The following UBE4B variants were observed in gnomAD, a reference collection of about 807,000 sequenced individuals.
The protein encoded by UBE4B is ubiquitin conjugation factor E4 B.
UBE4B carries 27 observed loss-of-function variants against 148.1 expected under a neutral mutation model. The observed-to-expected ratio is 0.18, with a 90% CI of 0.13 to 0.25. The LOEUF (loss-of-function observed/expected upper bound fraction) is 0.25. Among genes scored for constraint, UBE4B ranks in the 10% least tolerant of loss-of-function variants. The pLI, the probability that UBE4B is intolerant of heterozygous loss-of-function variation, is 1.00. For missense variants in UBE4B, 1,170 were observed against 1,662.4 expected (o/e 0.70, Z 5.15); for synonymous variants, 596 against 619.3 (o/e 0.96, Z 0.56).
intron 8 of UBE4B, among the ~76,000 whole-genome samples, chr1:10,119,234 G>A (rs1645371336): frequency 6.6e-6 from 1 of 151,918 alleles, no homozygotes; most frequent in African/African-American, 2.4e-5. Flanking sequence ...TGGCCTCCCA[G>A]AGTGCTGGAA....
rs1643865245 is a variant in UBE4B, at chr1:10,043,877, C to A, written c.24+10183C>A. ...AGTGCTACAGTGTTAAAATTAGTTG[C>A]CATTTTAAATGCCTTCCAAACAATT... On this transcript the variant is annotated intron_variant, in intron 1 of 27. Coordinates refer to ENST00000343090, the MANE Select transcript of UBE4B (RefSeq NM_001105562.3). 2.0e-5 allele frequency among the ~76,000 whole-genome samples: 3 copies of A among 152,082 alleles called. No individual in the cohort carries two copies. In the South Asian group the frequency reaches 6.2e-4, roughly 31 times the overall value.
chr1:10,170,181 A>G (rs1407806050), intron 24 of UBE4B, among the ~76,000 whole-genome samples: 1 of 152,024 alleles, frequency 6.6e-6, no homozygotes, highest in African/African-American at 2.4e-5. Context: ...AAGGCATTTC[A>G]TTTTGCAAAC....
At chr1:10,111,975 AAAATGC>A (rs1172078774) in intron 7 of UBE4B, among the ~76,000 whole-genome samples, 1 of 152,016 alleles carries the variant, frequency 6.6e-6, no homozygotes, top group African/African-American at 2.4e-5. Flanking sequence ...AAAAAGAAAG[AAAATGC>A]AAATTCCAAA....
intron 1 of UBE4B, among the ~76,000 whole-genome samples, chr1:10,036,328 C>G (rs562528867): frequency 2.0e-5 from 3 of 151,668 alleles, no homozygotes; most frequent in African/African-American, 7.2e-5. Context: ...TTTTCAAGGT[C>G]AACAGAATAT....
intron 2 of UBE4B, among the ~76,000 whole-genome samples, chr1:10,074,000 G>A (rs1040937036): frequency 3.4e-5 from 5 of 146,966 alleles, no homozygotes; most frequent in Middle Eastern, 3.6e-3. Flanking sequence ...GTTCATAGGC[G>A]TGATCCTAGT....
chr1:10,043,317 G>A (rs1347955350), intron 1 of UBE4B, among the ~76,000 whole-genome samples: 7 of 150,036 alleles, frequency 4.7e-5, no homozygotes, highest in Non-Finnish European at 8.9e-5. Flanking sequence ...CCAACTTTCA[G>A]TAAAAACTTA....
chr1:10,162,019 A>G (rs1374962445), intron 23 of UBE4B, among the ~76,000 whole-genome samples: 5 of 136,936 alleles, frequency 3.7e-5, no homozygotes, highest in Non-Finnish European at 8.0e-5. Flanking sequence ...TTTTTTTGAG[A>G]CGGAGTTTCA....
At chr1:10,079,216 G>A (rs897634490) in intron 2 of UBE4B, among the ~76,000 whole-genome samples, 12 of 152,006 alleles carry the variant, frequency 7.9e-5, no homozygotes, top group East Asian at 1.9e-4. Context: ...CCGCTCTGTC[G>A]CCCAGGCTGG....
intron 7 of UBE4B, among the ~76,000 whole-genome samples, chr1:10,108,809 G>A (rs1214337854): frequency 8.5e-5 from 13 of 152,160 alleles, no homozygotes; most frequent in Admixed American, 8.5e-4. Flanking sequence ...TCTTTTTCAC[G>A]TAGATAAAAT....
chr1:10,093,333 T>G (rs1239941998), intron 2 of UBE4B, among the ~76,000 whole-genome samples: 1 of 152,210 alleles, frequency 6.6e-6, no homozygotes, highest in Non-Finnish European at 1.5e-5. Flanking sequence ...TTTTCAGGGC[T>G]TACTTTGGGT....
At position 10,181,039 on chromosome 1, in the gene UBE4B, C is replaced by G. The variant is rs1157776345; in HGVS notation, c.*1083C>G. ...ATAAGACTTTTTGTATTACTGCTCC[C>G]TACTTAACATACTTGAATTCTCAAA... On this transcript the variant is annotated 3_prime_UTR_variant, in exon 28 of 28. Transcript: ENST00000343090. The G allele has an allele frequency of 6.6e-6, 1 of 151,606 alleles. No homozygotes were observed. The highest frequency in any genetic ancestry group is 1.5e-5 in the Non-Finnish European group (1 of 67,918). 9.4% of individuals were successfully genotyped at this position (151,606 alleles called of 1,614,324 possible).
intron 2 of UBE4B, among the ~76,000 whole-genome samples, chr1:10,073,920 A>ATTTTTTTTTTTTT (rs947131085): frequency 2.7e-5 from 2 of 74,850 alleles, no homozygotes; most frequent in Admixed American, 1.8e-4. Flanking sequence ...CTTTCTTTCT[A>ATTTTTTTTTTTTT]TTTTTTTTTT....
chr1:10,107,302 A>G (rs1228868135), intron 7 of UBE4B: 13 of 1,289,662 alleles, frequency 1.0e-5, no homozygotes, highest in Non-Finnish European at 1.2e-5. Flanking sequence ...GAAGAAGATG[A>G]TGATGATGGT....
chr1:10,167,616 C>T (rs1459740142), intron 23 of UBE4B, among the ~76,000 whole-genome samples: 17 of 110,702 alleles, frequency 1.5e-4, no homozygotes, highest in Admixed American at 3.6e-4. Context: ...TTTTTTGAGA[C>T]GGAGTCTCAC....
At chr1:10,114,668 AT>A (rs1345340247) in intron 7 of UBE4B, among the ~76,000 whole-genome samples, 1 of 152,170 alleles carries the variant, frequency 6.6e-6, no homozygotes, top group African/African-American at 2.4e-5. Context: ...GTTTGAGACT[AT>A]CCCGGCCAAC....
Position 10,106,565 on chromosome 1 carries a change from C to T in UBE4B, c.1178C>T (p.Ser393Phe). Reference sequence around the variant, plus strand: ...AGTGCCACGAGCAGACGCCCCTCCTCCCTGAGGATCTCTCCTAGGTATTTA... The same window carrying T: ...AGTGCCACGAGCAGACGCCCCTCCTTCCTGAGGATCTCTCCTAGGTATTTA... Reference protein sequence around the residue: ...SPSATSRRPSSLRISPSLGAS... With the variant: ...SPSATSRRPSFLRISPSLGAS... The change falls in exon 7 of 28, where the codon TCC becomes TTC. Residue 393 changes from serine (S) to phenylalanine (F), a missense_variant. This residue lies in a region of UBE4B where 388 missense variants were observed against 536.0 expected (regional missense o/e 0.72). Transcript: ENST00000343090. The surrounding 1 kb of genome is among the most constrained non-coding windows in gnomAD (Gnocchi z 4.2). The T allele has an allele frequency of 1.3e-6, 2 of 1,574,648 alleles. No individual in the cohort carries two copies. The highest frequency in any genetic ancestry group is 1.7e-6 in the Non-Finnish European group (2 of 1,166,708).
At chr1:10,101,254 G>T in intron 4 of UBE4B, 59 bp downstream of exon 4, 1 of 1,548,004 alleles carries the variant, frequency 6.5e-7, no homozygotes, top group Non-Finnish European at 8.9e-7. Flanking sequence ...TTCATGTCTT[G>T]TATCTGTAGA....
At chr1:10,103,207 G>T in intron 5 of UBE4B, 115 bp downstream of exon 5, 1 of 1,075,294 alleles carries the variant, frequency 9.3e-7, no homozygotes, top group Admixed American at 2.5e-5. Flanking sequence ...TTGTATTTTT[G>T]ATGACAGGGA....
At chr1:10,096,824 A>T (rs1419301388) in intron 3 of UBE4B, among the ~76,000 whole-genome samples, 1 of 152,134 alleles carries the variant, frequency 6.6e-6, no homozygotes, top group Non-Finnish European at 1.5e-5. Context: ...GGATCACTTG[A>T]GGCCAGGAGT....
Sources: gnomAD v4.1 joint callset for allele counts (sites outside exome capture counted in the v4.1 genomes callset) on GRCh38, gnomAD v4.1.1 for gene constraint, gnomAD v4.1.1 regional missense constraint, Gnocchi (gnomAD v3.1) non-coding constraint, MANE v1.5 for transcripts, NCBI Gene and HGNC (gene_info 2026-07-23, HGNC 2026-07-21) for gene names.